NCAM1: variants seen among roughly 807,000 people sequenced by gnomAD.
NCAM1 encodes neural cell adhesion molecule 1, also known as antigen recognized by monoclonal antibody 5.1H11.
NCAM1 carries 14 observed loss-of-function variants against 109.8 expected under a neutral mutation model. That is an observed-to-expected ratio of 0.13 (90% CI 0.08 to 0.20). The LOEUF (loss-of-function observed/expected upper bound fraction) is 0.20. Ranked by LOEUF, NCAM1 falls within the 10% of genes least tolerant of loss-of-function variation. The probability of loss-of-function intolerance (pLI) is 1.00; values close to 1 mark genes in which losing one functional copy is unlikely to be tolerated. For missense variants in NCAM1, 774 were observed against 1,109.9 expected, an observed-to-expected ratio of 0.70 and a Z score of 4.30; for synonymous variants, 418 against 442.9, an observed-to-expected ratio of 0.94 and a Z score of 0.70.
chr11:113,237,923 GATATAGAT>G (rs1365603218), intron 14 of NCAM1, among the ~76,000 whole-genome samples: 12 of 21,780 alleles, frequency 5.5e-4, no homozygotes, highest in South Asian at 6.1e-3. Context: ...TAGATATATA[GATATAGAT>G]ATATAGATAT....
chr11:113,070,540 A>G lies in NCAM1; in HGVS notation c.52+108876A>G, dbSNP rs574908154. ...CAGTGTAAAGGGAAAGATGAGAGAT[A>G]GAGGAGAGAGAAATGATGGACGGGA... On this transcript the variant is annotated intron_variant, in intron 1 of 19. Transcript: ENST00000316851. Among the ~76,000 whole-genome samples the G allele has an allele frequency of 7.9e-5, 12 of 152,248 alleles. No homozygotes were observed. The East Asian group carries it at 2.1e-3, about 27-fold the overall frequency.
At chr11:112,998,919 C>T (rs552716242) in intron 1 of NCAM1, among the ~76,000 whole-genome samples, 1 of 152,228 alleles carries the variant, frequency 6.6e-6, no homozygotes, top group South Asian at 2.1e-4. Context: ...TAAAGAGTTT[C>T]CTCTATACTT....
chr11:113,039,088 A>G (rs1555079616), intron 1 of NCAM1, among the ~76,000 whole-genome samples: 1 of 152,234 alleles, frequency 6.6e-6, no homozygotes, highest in East Asian at 1.9e-4. Context: ...TTAAAAATAC[A>G]TATGCACTCT....
intron 14 of NCAM1, chr11:113,243,809 C>T (rs1213435560): frequency 8.2e-6 from 2 of 245,122 alleles, no homozygotes; most frequent in Non-Finnish European, 1.7e-5. Context: ...AGTATAACTC[C>T]AGCTCCCCGG....
At chr11:113,006,673 T>G (rs2135054810) in intron 1 of NCAM1, among the ~76,000 whole-genome samples, 1 of 152,286 alleles carries the variant, frequency 6.6e-6, no homozygotes, top group East Asian at 1.9e-4. Context: ...AGTAGGTTTT[T>G]GTATAGTCAA....
chr11:113,116,984 A>T (rs546935186), intron 1 of NCAM1, among the ~76,000 whole-genome samples: 1 of 152,094 alleles, frequency 6.6e-6, no homozygotes, highest in African/African-American at 2.4e-5. Context: ...TCCCAGTCAA[A>T]TGAATTCTAT....
chr11:113,198,558 A>G (rs919499186), intron 1 of NCAM1, among the ~76,000 whole-genome samples: 4 of 152,084 alleles, frequency 2.6e-5, no homozygotes, highest in African/African-American at 9.7e-5. Flanking sequence ...CTTTTAGTAG[A>G]GACGGGTCTC....
rs193293889 is a variant in NCAM1, at chr11:113,091,545, G to A, written c.53-110834G>A. On this transcript the variant is annotated intron_variant, in intron 1 of 19. Transcript: ENST00000316851. ...ATGTTAAGATGTAGAAAGTAGGTTA[G>A]AGGCCAGAGCTGTATAATAGGTGAA... Among the ~76,000 whole-genome samples, 14 of 152,318 alleles carry A rather than the reference G, an allele frequency of 9.2e-5. No individual in the cohort carries two copies. In the South Asian group the frequency reaches 1.0e-3, roughly 11 times the overall value.
chr11:113,249,785 G>C (rs138927808), intron 15 of NCAM1, among the ~76,000 whole-genome samples: 377 of 152,292 alleles, frequency 2.5e-3, no homozygotes, highest in African/African-American at 8.0e-3. Flanking sequence ...AAGGGAACTG[G>C]TATTTTTGTG....
At chr11:113,253,533 G>A (rs1237480747) in intron 15 of NCAM1, among the ~76,000 whole-genome samples, 1 of 152,160 alleles carries the variant, frequency 6.6e-6, no homozygotes, top group African/African-American at 2.4e-5. Context: ...AATGAAACTT[G>A]ATCGAGGCAA....
chr11:113,017,659 G>C (rs1213001434), intron 1 of NCAM1, among the ~76,000 whole-genome samples: 3 of 151,770 alleles, frequency 2.0e-5, no homozygotes, highest in African/African-American at 7.3e-5. Context: ...GTGTGTGTGT[G>C]TATGTATGTC....
At chr11:113,052,776 G>C in intron 1 of NCAM1, among the ~76,000 whole-genome samples, 1 of 152,124 alleles carries the variant, frequency 6.6e-6, no homozygotes, top group East Asian at 1.9e-4. Flanking sequence ...GTGGTTTGCT[G>C]CACCTATCAA....
At chr11:113,256,262 G>A (rs1179229082) in intron 16 of NCAM1, among the ~76,000 whole-genome samples, 1 of 152,168 alleles carries the variant, frequency 6.6e-6, no homozygotes, top group Admixed American at 6.5e-5. Flanking sequence ...TGATTTTTCT[G>A]TGTCTTGAAC....
intron 1 of NCAM1, among the ~76,000 whole-genome samples, chr11:113,061,438 G>C (rs1235294140): frequency 6.6e-6 from 1 of 152,142 alleles, no homozygotes; most frequent in Non-Finnish European, 1.5e-5. Context: ...CTCAAAAGTA[G>C]GTGAATTATG....
intron 2 of NCAM1, among the ~76,000 whole-genome samples, chr11:113,202,663 A>G (rs1037430916): frequency 2.0e-5 from 3 of 152,336 alleles, no homozygotes; most frequent in Admixed American, 2.0e-4. Flanking sequence ...CAAATCTGTC[A>G]TCTAGACTTC....
At chr11:113,116,932 C>T (rs375756509) in intron 1 of NCAM1, among the ~76,000 whole-genome samples, 2 of 151,756 alleles carry the variant, frequency 1.3e-5, no homozygotes, top group Admixed American at 6.6e-5. Flanking sequence ...TTATGAATAT[C>T]GAAGATTAAA....
chr11:113,161,937 C>T (rs934456386), intron 1 of NCAM1, among the ~76,000 whole-genome samples: 1 of 152,116 alleles, frequency 6.6e-6, no homozygotes, highest in Non-Finnish European at 1.5e-5. Context: ...TCCCCTGAAA[C>T]CTTGGCTTGG....
chr11:112,990,442 C>T (rs1281048948), intron 1 of NCAM1, among the ~76,000 whole-genome samples: 1 of 152,156 alleles, frequency 6.6e-6, no homozygotes, highest in Non-Finnish European at 1.5e-5. Flanking sequence ...TTACCTCTGA[C>T]CACCGTTGAG....
At chr11:113,094,497 G>T (rs566226171) in intron 1 of NCAM1, among the ~76,000 whole-genome samples, 1 of 152,252 alleles carries the variant, frequency 6.6e-6, no homozygotes, top group East Asian at 1.9e-4. Flanking sequence ...TTCATTTGCT[G>T]TGCTTGTGAA....
Sources: gnomAD v4.1 joint callset for allele counts (sites outside exome capture counted in the v4.1 genomes callset) on GRCh38, gnomAD v4.1.1 for gene constraint, MANE v1.5 for transcripts, NCBI Gene and HGNC (gene_info 2026-07-23, HGNC 2026-07-21) for gene names.